FAM135B: variants seen among roughly 807,000 people sequenced by gnomAD.
FAM135B encodes the protein protein FAM135B.
In FAM135B, 43 loss-of-function variants were observed where a neutral mutation model predicts 127.7. That is an observed-to-expected ratio of 0.34 (90% CI 0.26 to 0.43). The LOEUF (loss-of-function observed/expected upper bound fraction) is 0.43. Ranked by LOEUF, FAM135B falls within the 20% of genes least tolerant of loss-of-function variation. The pLI is 1.00. For synonymous variants in FAM135B, 670 were observed against 665.1 expected (o/e 1.01, Z -0.11); for missense variants, 1,558 against 1,725.6 (o/e 0.90, Z 1.72).
At chr8:138,195,427 G>A in intron 8 of FAM135B, 120 bp from the exon 9 acceptor site, 2 of 886,736 alleles carry the variant, frequency 2.3e-6, no homozygotes, top group Non-Finnish European at 3.7e-6. Flanking sequence ...CAAACACATT[G>A]CTGAGGACCT....
At chr8:138,274,867 T>C (rs981008766) in intron 3 of FAM135B, among the ~76,000 whole-genome samples, 2 of 151,966 alleles carry the variant, frequency 1.3e-5, no homozygotes, top group Non-Finnish European at 2.9e-5. Context: ...CCCTGAACAA[T>C]TGCTATTATC....
At chr8:138,296,080 T>C (rs554917558) in intron 3 of FAM135B, among the ~76,000 whole-genome samples, 5 of 152,326 alleles carry the variant, frequency 3.3e-5, no homozygotes, top group African/African-American at 1.2e-4. Context: ...TTAGTCTATA[T>C]CAAATGCCTC....
chr8:138,386,951 G>A (rs899642424), intron 1 of FAM135B, among the ~76,000 whole-genome samples: 3 of 152,026 alleles, frequency 2.0e-5, no homozygotes, highest in Non-Finnish European at 2.9e-5. Context: ...TATACAGAAC[G>A]CCTGCCACAG....
At chr8:138,290,587 C>T (rs1825034045) in intron 3 of FAM135B, among the ~76,000 whole-genome samples, 1 of 152,096 alleles carries the variant, frequency 6.6e-6, no homozygotes, top group Non-Finnish European at 1.5e-5. Context: ...TTTGAAAAAT[C>T]CAATTTGATT....
At chr8:138,306,750 T>C (rs1826294543) in intron 3 of FAM135B, among the ~76,000 whole-genome samples, 1 of 151,962 alleles carries the variant, frequency 6.6e-6, no homozygotes, top group South Asian at 2.1e-4. Context: ...GCCTGGCTAA[T>C]TTTTTCTATT....
chr8:138,374,895 C>T (rs1461254273), intron 1 of FAM135B, among the ~76,000 whole-genome samples: 1 of 152,148 alleles, frequency 6.6e-6, no homozygotes, highest in African/African-American at 2.4e-5. Context: ...TCTCCATCCA[C>T]AGCACATCAG....
At chr8:138,317,285 T>C (rs1827168606) in intron 2 of FAM135B, among the ~76,000 whole-genome samples, 1 of 152,198 alleles carries the variant, frequency 6.6e-6, no homozygotes, top group Non-Finnish European at 1.5e-5. Context: ...TCCATTTACA[T>C]GGCAAGTTTA....
At chr8:138,379,580 T>G (rs16909024) in intron 1 of FAM135B, among the ~76,000 whole-genome samples, 5,179 of 151,978 alleles carry the variant, frequency 0.034, 182 homozygotes, top group East Asian at 0.18. Context: ...GGGAAAGACA[T>G]AGGCAACGTC....
chr8:138,315,015 G>T (rs192452560), intron 2 of FAM135B, among the ~76,000 whole-genome samples: 1 of 151,150 alleles, frequency 6.6e-6, no homozygotes, highest in Non-Finnish European at 1.5e-5. Context: ...AAATGAACAA[G>T]GTAAAATGGC....
chr8:138,253,748 C>T lies in FAM135B; in HGVS notation c.369-2734G>A, dbSNP rs76260598. Among the ~76,000 whole-genome samples the T allele has an allele frequency of 5.3e-3, 813 of 152,248 alleles. 4 individuals are homozygous for T. Among genetic ancestry groups the T allele is most frequent in the African/African-American group, 0.018 (755 of 41,534 alleles). On this transcript the variant is annotated intron_variant, in intron 5 of 19. Transcript: ENST00000395297. The stretch of plus-strand genomic sequence containing the variant: ...ACAAGACAAATTTCACAAGCTCTTC[C>T]GTCCCTCATATGAGAGGCTCTGCTT...
At position 138,243,085 on chromosome 8, in the gene FAM135B, T is replaced by C. The variant is rs1820965553; in HGVS notation, c.543-17A>G. Reference sequence around the variant, plus strand: ...CGAGTAAAACTAAACAAAAGATAATTGAAAGGGTGAAAAAGGAGGTAAAGA... The same window carrying C: ...CGAGTAAAACTAAACAAAAGATAATCGAAAGGGTGAAAAAGGAGGTAAAGA... On this transcript the variant is annotated splice_polypyrimidine_tract_variant and intron_variant, in intron 6 of 19. Coordinates refer to ENST00000395297, the MANE Select transcript of FAM135B (RefSeq NM_015912.4). This position sits in a 1 kb window ranked among gnomAD's most constrained non-coding sequence, Gnocchi z 7.5. 1 of 1,598,956 alleles carries C rather than the reference T, an allele frequency of 6.3e-7. No individual in the cohort carries two copies. Among genetic ancestry groups the C allele is most frequent in the South Asian group, 1.1e-5 (1 of 88,280 alleles).
intron 7 of FAM135B, among the ~76,000 whole-genome samples, chr8:138,237,145 C>A (rs79631234): frequency 0.013 from 1,866 of 144,768 alleles, 31 homozygotes; most frequent in African/African-American, 0.044. Flanking sequence ...GTAACTGGAT[C>A]CTTGATTTTT....
intron 1 of FAM135B, among the ~76,000 whole-genome samples, chr8:138,426,041 A>T: frequency 1.3e-5 from 1 of 78,908 alleles, no homozygotes; most frequent in Non-Finnish European, 2.2e-5. Context: ...ACACACACAC[A>T]CACACACACA....
At chr8:138,272,617 A>C (rs1823468148) in intron 3 of FAM135B, among the ~76,000 whole-genome samples, 1 of 152,370 alleles carries the variant, frequency 6.6e-6, no homozygotes, top group South Asian at 2.1e-4. Flanking sequence ...CTACTATTAG[A>C]ATAAGCCCAG....
At chr8:138,272,557 T>G (rs1399784516) in intron 3 of FAM135B, among the ~76,000 whole-genome samples, 1 of 152,240 alleles carries the variant, frequency 6.6e-6, no homozygotes, top group African/African-American at 2.4e-5. Context: ...GGAAGCATTC[T>G]CTCATCAACA....
Position 138,152,118 on chromosome 8 carries a change from G to A in FAM135B, c.2357C>T (p.Ala786Val), listed in dbSNP as rs201122505. 76 of 1,613,792 alleles carry A rather than the reference G, an allele frequency of 4.7e-5. 1 individual carries two copies. The South Asian group carries it at 5.2e-4, about 11-fold the overall frequency. Residue 786 changes from alanine to valine, a missense_variant, in exon 13 of 20, where the codon GCG becomes GTG. Ala to Val is a moderately conservative substitution (Grantham distance 64). Transcript: ENST00000395297. ...ACCTCCATCTTGCTGCTTGGTGTCC[G>A]CATCTTCAGCAGCCTCCTCTGGGCT... Reference protein sequence around the residue: ...ISSPEEAAEDADTKQQDGGFA... With the variant: ...ISSPEEAAEDVDTKQQDGGFA...
intron 2 of FAM135B, among the ~76,000 whole-genome samples, chr8:138,321,863 G>A (rs140791782): frequency 3.3e-5 from 5 of 152,334 alleles, no homozygotes; most frequent in South Asian, 2.1e-4. Flanking sequence ...GTTCACCCAA[G>A]TGTCGAGGTC....
chr8:138,165,061 C>G (rs1819774629), intron 12 of FAM135B, among the ~76,000 whole-genome samples: 1 of 151,888 alleles, frequency 6.6e-6, no homozygotes, highest in Admixed American at 6.6e-5. Context: ...GGTTGATTTT[C>G]CAGCTGATAT....
intron 1 of FAM135B, among the ~76,000 whole-genome samples, chr8:138,392,653 A>G (rs1228046781): frequency 3.3e-5 from 5 of 152,136 alleles, no homozygotes; most frequent in African/African-American, 9.7e-5. Flanking sequence ...TCCACCCTTG[A>G]GCTTTGTGAC....
Sources: gnomAD v4.1 joint callset for allele counts (sites outside exome capture counted in the v4.1 genomes callset) on GRCh38, gnomAD v4.1.1 for gene constraint, Gnocchi (gnomAD v3.1) non-coding constraint, MANE v1.5 for transcripts, NCBI Gene and HGNC (gene_info 2026-07-23, HGNC 2026-07-21) for gene names.